Variants in RGL1 observed in about 807,000 individuals in gnomAD.
RGL1 encodes ral guanine nucleotide dissociation stimulator like 1.
A neutral mutation model predicts 95.2 loss-of-function variants in RGL1; 24 were observed. That is an observed-to-expected ratio of 0.25 (90% confidence interval 0.18 to 0.35). The LOEUF is 0.35. Among genes scored for constraint, RGL1 ranks in the 10% least tolerant of loss-of-function variants. The probability of loss-of-function intolerance (pLI) is 1.00; values close to 1 mark genes in which losing one functional copy is unlikely to be tolerated. For synonymous variants in RGL1, 329 were observed against 344.9 expected, an observed-to-expected ratio of 0.95 and a Z score of 0.51; for missense variants, 715 against 936.3, an observed-to-expected ratio of 0.76 and a Z score of 3.08.
At chr1:183,663,010 T>C (rs1429936381) in intron 1 of RGL1, among the ~76,000 whole-genome samples, 1 of 152,016 alleles carries the variant, frequency 6.6e-6, no homozygotes, top group East Asian at 1.9e-4. Context: ...GCTAGCCATA[T>C]GTAGAAAGCT....
chr1:183,908,715 C>T (rs897923254), intron 14 of RGL1, among the ~76,000 whole-genome samples: 3 of 152,136 alleles, frequency 2.0e-5, no homozygotes, highest in Non-Finnish European at 4.4e-5. Flanking sequence ...CCTGGGTGTC[C>T]ACTCTGCTCA....
chr1:183,759,687 T>C (rs1004343690), intron 2 of RGL1, among the ~76,000 whole-genome samples: 10 of 152,350 alleles, frequency 6.6e-5, no homozygotes, highest in African/African-American at 1.2e-4. Context: ...CAGCTCCAGT[T>C]TGTCAACTGT....
chr1:183,671,899 G>T (rs1348757073), intron 1 of RGL1, among the ~76,000 whole-genome samples: 1 of 151,248 alleles, frequency 6.6e-6, no homozygotes, highest in Non-Finnish European at 1.5e-5. Context: ...TTTTCTTTGT[G>T]ACATTTAAGA....
chr1:183,802,313 G>T (rs1047010939), upstream of RGL1, among the ~76,000 whole-genome samples: 1 of 151,910 alleles, frequency 6.6e-6, no homozygotes, highest in Non-Finnish European at 1.5e-5. Context: ...TCTTTATGCC[G>T]GTACCATAAA....
intron 1 of RGL1, among the ~76,000 whole-genome samples, chr1:183,736,652 G>A (rs1205773173): frequency 6.6e-6 from 1 of 152,146 alleles, no homozygotes; most frequent in East Asian, 1.9e-4. Flanking sequence ...ATTAGGAAGA[G>A]GAATGAGGAA....
At chr1:183,903,970 A>G (rs531990874) in intron 12 of RGL1, among the ~76,000 whole-genome samples, 17 of 152,332 alleles carry the variant, frequency 1.1e-4, no homozygotes, top group African/African-American at 3.4e-4. Context: ...TGGAGAATCT[A>G]CCAGTTCTTG....
chr1:183,681,529 T>A (rs1363282862), intron 1 of RGL1, among the ~76,000 whole-genome samples: 1 of 152,248 alleles, frequency 6.6e-6, no homozygotes, highest in Admixed American at 6.5e-5. Context: ...TGAAGCTGAC[T>A]TGATCATGGT....
chr1:183,897,710 G>A, intron 9 of RGL1, 98 bp from the exon 10 acceptor site: 1 of 813,296 alleles, frequency 1.2e-6, no homozygotes. Context: ...CCGAGCGAGA[G>A]TTATGCAGGG....
intron 14 of RGL1, among the ~76,000 whole-genome samples, chr1:183,909,314 G>T (rs1356262334): frequency 6.6e-6 from 1 of 152,156 alleles, no homozygotes; most frequent in African/African-American, 2.4e-5. Context: ...GAAAACTTTG[G>T]GTGCTTAGGC....
chr1:183,799,247 T>G (rs1007113677), intron 2 of RGL1, among the ~76,000 whole-genome samples: 2 of 152,198 alleles, frequency 1.3e-5, no homozygotes, highest in Non-Finnish European at 2.9e-5. Flanking sequence ...ATATTTTGAC[T>G]ATTGTGAATA....
chr1:183,681,455 C>T (rs1052949822), intron 1 of RGL1, among the ~76,000 whole-genome samples: 2 of 152,154 alleles, frequency 1.3e-5, no homozygotes, highest in East Asian at 3.8e-4. Flanking sequence ...GTCATTGGTT[C>T]TGTTTATGTG....
intron 4 of RGL1, among the ~76,000 whole-genome samples, chr1:183,870,249 T>C (rs1275590928): frequency 2.6e-5 from 4 of 152,100 alleles, no homozygotes; most frequent in Non-Finnish European, 5.9e-5. Flanking sequence ...ACGTAGTACC[T>C]GGACGGCCTC....
chr1:183,648,289 GA>G (rs1558132297), intron 1 of RGL1: 2 of 1,614,196 alleles, frequency 1.2e-6, no homozygotes, highest in Admixed American at 3.3e-5. Context: ...GCTGAGGCAG[GA>G]AAGTCCATCT....
At chr1:183,839,333 T>G (rs369295791) in intron 2 of RGL1, among the ~76,000 whole-genome samples, 1 of 152,322 alleles carries the variant, frequency 6.6e-6, no homozygotes, top group East Asian at 1.9e-4. Flanking sequence ...CCCCTCAATT[T>G]TCTTTCTTAT....
At chr1:183,648,212 A>G in intron 1 of RGL1, 1 of 1,614,160 alleles carries the variant, frequency 6.2e-7, no homozygotes, top group South Asian at 1.1e-5. Flanking sequence ...AGATCCCACC[A>G]CTTATTGGAC....
chr1:183,846,874 C>T (rs1664479443), intron 2 of RGL1, among the ~76,000 whole-genome samples: 1 of 151,542 alleles, frequency 6.6e-6, no homozygotes, highest in African/African-American at 2.4e-5. Flanking sequence ...AGCGAGACTC[C>T]ATCTCAAAAA....
At chr1:183,693,943 A>G (rs1654110294) in intron 1 of RGL1, among the ~76,000 whole-genome samples, 1 of 152,174 alleles carries the variant, frequency 6.6e-6, no homozygotes, top group Non-Finnish European at 1.5e-5. Flanking sequence ...TGTCCCTTTG[A>G]AAAAATATAT....
At chr1:183,671,413 G>C (rs1362512106) in intron 1 of RGL1, among the ~76,000 whole-genome samples, 2 of 152,182 alleles carry the variant, frequency 1.3e-5, no homozygotes, top group African/African-American at 2.4e-5. Flanking sequence ...CTGCCAAACT[G>C]TTTTCCACAG....
chr1:183,920,077 T>G (rs1669227670), intron 16 of RGL1, among the ~76,000 whole-genome samples: 1 of 152,086 alleles, frequency 6.6e-6, no homozygotes, highest in Non-Finnish European at 1.5e-5. Flanking sequence ...CACTGTTGCC[T>G]GGGCTGGATT....
Sources: gnomAD v4.1 joint callset for allele counts (sites outside exome capture counted in the v4.1 genomes callset) on GRCh38, gnomAD v4.1.1 for gene constraint, MANE v1.5 for transcripts, NCBI Gene and HGNC (gene_info 2026-07-23, HGNC 2026-07-21) for gene names.